The following ITGBL1 variants were observed in gnomAD, a reference collection of about 807,000 sequenced individuals.
The protein encoded by ITGBL1 is integrin beta-like protein 1.
ITGBL1 carries 51 observed loss-of-function variants against 68.5 expected under a neutral mutation model. That is an observed-to-expected ratio of 0.74 (90% CI 0.59 to 0.94). The LOEUF (loss-of-function observed/expected upper bound fraction) is 0.94. Ranked by LOEUF, ITGBL1 falls within the 40% of genes least tolerant of loss-of-function variation. The probability of loss-of-function intolerance (pLI) is 0.00; values close to 1 mark genes in which losing one functional copy is unlikely to be tolerated. For missense variants in ITGBL1, 649 were observed against 647.4 expected, an observed-to-expected ratio of 1.00 and a Z score of -0.03; for synonymous variants, 209 against 227.3, an observed-to-expected ratio of 0.92 and a Z score of 0.72.
intron 2 of ITGBL1, among the ~76,000 whole-genome samples, chr13:101,547,909 G>A (rs1465041197): frequency 1.3e-5 from 2 of 149,560 alleles, no homozygotes; most frequent in Non-Finnish European, 1.5e-5. Flanking sequence ...CTGTGTGTGT[G>A]TATATATATA....
chr13:101,577,925 A>G (rs7323330), intron 4 of ITGBL1, among the ~76,000 whole-genome samples: 68,436 of 152,068 alleles, frequency 0.45, 17,397 homozygotes, highest in East Asian at 0.62. Context: ...ATTCAAATTC[A>G]TTGTGGAAAT....
At chr13:101,482,847 G>C (rs114010193) in intron 2 of ITGBL1, among the ~76,000 whole-genome samples, 103 of 152,268 alleles carry the variant, frequency 6.8e-4, no homozygotes, top group African/African-American at 2.3e-3. Flanking sequence ...GATTTCCAAA[G>C]TGTGATTCTT....
chr13:101,632,245 A>G (rs2032009239), intron 7 of ITGBL1, among the ~76,000 whole-genome samples: 1 of 152,172 alleles, frequency 6.6e-6, no homozygotes, highest in African/African-American at 2.4e-5. Flanking sequence ...ACTACATAGG[A>G]AAAGGACTTT....
intron 4 of ITGBL1, among the ~76,000 whole-genome samples, chr13:101,577,086 A>C (rs761356537): frequency 1.3e-4 from 20 of 152,220 alleles, no homozygotes; most frequent in Non-Finnish European, 2.5e-4. Context: ...AAAATGTTTA[A>C]CTTTCAAACT....
intron 8 of ITGBL1, among the ~76,000 whole-genome samples, chr13:101,694,318 G>A (rs1163425022): frequency 6.6e-6 from 1 of 152,178 alleles, no homozygotes; most frequent in Non-Finnish European, 1.5e-5. Context: ...CAATATGTAT[G>A]TATGTATATA....
chr13:101,717,019 C>A (rs534571502), downstream of ITGBL1: 270 of 151,592 alleles, frequency 1.8e-3, 3 homozygotes, highest in African/African-American at 6.1e-3. Flanking sequence ...AAAAAAAAAA[C>A]CACTTTTTTT....
chr13:101,500,042 A>G (rs2139082474), intron 2 of ITGBL1, among the ~76,000 whole-genome samples: 1 of 152,234 alleles, frequency 6.6e-6, no homozygotes, highest in South Asian at 2.1e-4. Context: ...ATCTTCCACC[A>G]TCAGTTTGTC....
chr13:101,649,820 C>T (rs142752935), intron 7 of ITGBL1, among the ~76,000 whole-genome samples: 44 of 152,300 alleles, frequency 2.9e-4, no homozygotes, highest in African/African-American at 7.5e-4. Flanking sequence ...CTTTAGGACA[C>T]GTCTAGATTC....
intron 7 of ITGBL1, among the ~76,000 whole-genome samples, chr13:101,599,593 C>T (rs2030222671): frequency 1.3e-5 from 2 of 152,204 alleles, no homozygotes; most frequent in South Asian, 4.1e-4. Context: ...GTCTTTAATC[C>T]ATCTTGAATT....
intron 8 of ITGBL1, among the ~76,000 whole-genome samples, chr13:101,705,292 CA>C (rs66461824): frequency 9.0e-4 from 94 of 105,004 alleles, no homozygotes; most frequent in Middle Eastern, 5.9e-3. Context: ...ATTTAAAAAG[CA>C]AAAAAAAAAA....
chr13:101,454,411 C>A (rs963293523), intron 2 of ITGBL1, among the ~76,000 whole-genome samples: 12 of 124,808 alleles, frequency 9.6e-5, no homozygotes, highest in Admixed American at 7.2e-4. Context: ...CCCCCCCCCC[C>A]CCCCAACTCC....
At chr13:101,454,209 G>C (rs2048207729) in intron 2 of ITGBL1, 109 bp downstream of exon 2, 1 of 666,108 alleles carries the variant, frequency 1.5e-6, no homozygotes, top group Non-Finnish European at 2.2e-6. Flanking sequence ...CTTCACATAA[G>C]CACCAATTAA....
intron 2 of ITGBL1, among the ~76,000 whole-genome samples, chr13:101,480,933 T>A (rs4771399): frequency 0.19 from 29,451 of 151,428 alleles, 3,447 homozygotes; most frequent in East Asian, 0.43. Flanking sequence ...CTTTTAAAGA[T>A]GCTGTTGGAG....
At chr13:101,530,808 C>T (rs2049460575) in intron 2 of ITGBL1, among the ~76,000 whole-genome samples, 1 of 152,144 alleles carries the variant, frequency 6.6e-6, no homozygotes, top group African/African-American at 2.4e-5. Context: ...CCTAAAAACA[C>T]ATTTTTGGGA....
intron 6 of ITGBL1, among the ~76,000 whole-genome samples, chr13:101,596,080 C>G (rs1008726191): frequency 6.6e-6 from 1 of 151,524 alleles, no homozygotes; most frequent in Non-Finnish European, 1.5e-5. Context: ...TATATATACA[C>G]AAATACCCAG....
At chr13:101,661,136 A>C (rs2033077178) in intron 7 of ITGBL1, among the ~76,000 whole-genome samples, 1 of 151,928 alleles carries the variant, frequency 6.6e-6, no homozygotes. Flanking sequence ...AGTAAAAAAA[A>C]AAATGGCAAG....
chr13:101,531,212 T>C (rs2049469484), intron 2 of ITGBL1, among the ~76,000 whole-genome samples: 1 of 152,158 alleles, frequency 6.6e-6, no homozygotes, highest in Non-Finnish European at 1.5e-5. Flanking sequence ...AATATTTATG[T>C]AATGTAAGTG....
intron 2 of ITGBL1, among the ~76,000 whole-genome samples, chr13:101,465,604 C>A (rs546263124): frequency 4.8e-4 from 73 of 152,272 alleles, no homozygotes; most frequent in African/African-American, 1.7e-3. Context: ...CCTTAAGAAG[C>A]AGCTTGCATC....
At chr13:101,559,405 C>G (rs1469740200) in intron 2 of ITGBL1, among the ~76,000 whole-genome samples, 1 of 152,148 alleles carries the variant, frequency 6.6e-6, no homozygotes, top group Non-Finnish European at 1.5e-5. Context: ...AATTTCATGA[C>G]TAGATTTCTG....
Sources: gnomAD v4.1 joint callset for allele counts (sites outside exome capture counted in the v4.1 genomes callset) on GRCh38, gnomAD v4.1.1 for gene constraint, MANE v1.5 for transcripts, NCBI Gene and HGNC (gene_info 2026-07-23, HGNC 2026-07-21) for gene names.